Variants in CREB5 observed in about 807,000 individuals in gnomAD.
The protein encoded by CREB5 is cyclic AMP-responsive element-binding protein 5.
A neutral mutation model predicts 57.1 loss-of-function variants in CREB5; 19 were observed. The ratio of observed to expected loss-of-function variants is 0.33; its 90% CI spans 0.23 to 0.49. The LOEUF (loss-of-function observed/expected upper bound fraction) is 0.49, where lower values mean the gene tolerates loss of function less well. Ranked by LOEUF, CREB5 falls within the 20% of genes least tolerant of loss-of-function variation. CREB5 has a pLI of 0.99. For synonymous variants in CREB5, 238 were observed against 238.3 expected (o/e 1.00, Z 0.01); for missense variants, 579 against 671.6 (o/e 0.86, Z 1.52).
At chr7:28,433,323 A>T (rs958625160) in intron 1 of CREB5, among the ~76,000 whole-genome samples, 1 of 152,224 alleles carries the variant, frequency 6.6e-6, no homozygotes, top group Non-Finnish European at 1.5e-5. Flanking sequence ...TTGTAGTCAA[A>T]AAGAAATAGT....
intron 4 of CREB5, among the ~76,000 whole-genome samples, chr7:28,553,632 C>T (rs924873257): frequency 3.3e-5 from 5 of 152,158 alleles, no homozygotes; most frequent in East Asian, 1.9e-4. Flanking sequence ...AGCTTTTTAT[C>T]GGAGCGTTAT....
intron 1 of CREB5, among the ~76,000 whole-genome samples, chr7:28,447,141 G>T (rs539170163): frequency 3.9e-5 from 6 of 152,296 alleles, no homozygotes; most frequent in African/African-American, 1.4e-4. Context: ...CATAGCACAG[G>T]GCTTGCAGGG....
chr7:28,422,731 G>A (rs1390323729), intron 1 of CREB5, among the ~76,000 whole-genome samples: 1 of 152,294 alleles, frequency 6.6e-6, no homozygotes, highest in African/African-American at 2.4e-5. Flanking sequence ...AGCTGTGAAA[G>A]TAACCAGAGC....
At chr7:28,594,662 A>G (rs1309334314) in intron 5 of CREB5, among the ~76,000 whole-genome samples, 3 of 152,328 alleles carry the variant, frequency 2.0e-5, no homozygotes, top group African/African-American at 7.2e-5. Flanking sequence ...TTGAAGAGTA[A>G]ATGGGGAATG....
chr7:28,329,679 C>T (rs891657428), intron 1 of CREB5, among the ~76,000 whole-genome samples: 1 of 152,196 alleles, frequency 6.6e-6, no homozygotes, highest in African/African-American at 2.4e-5. Flanking sequence ...CTTTTGCATC[C>T]AGTTTTAGCC....
intron 5 of CREB5, among the ~76,000 whole-genome samples, chr7:28,643,765 AG>A (rs1798780955): frequency 1.6e-5 from 1 of 63,806 alleles, no homozygotes; most frequent in African/African-American, 6.9e-5. Context: ...GGGGGGCGGA[AG>A]AAAAAAAAAA....
At chr7:28,697,228 C>T (rs1801622879) in intron 5 of CREB5, among the ~76,000 whole-genome samples, 1 of 152,012 alleles carries the variant, frequency 6.6e-6, no homozygotes, top group Non-Finnish European at 1.5e-5. Context: ...CATGAATTGG[C>T]CCCCTAATGA....
intron 1 of CREB5, among the ~76,000 whole-genome samples, chr7:28,311,364 T>G (rs1467351005): frequency 6.6e-6 from 1 of 152,128 alleles, no homozygotes; most frequent in South Asian, 2.1e-4. Flanking sequence ...TGTGCTGAAC[T>G]TTAGCTGTTT....
At chr7:28,474,367 C>A (rs1315605076) in intron 1 of CREB5, among the ~76,000 whole-genome samples, 2 of 152,114 alleles carry the variant, frequency 1.3e-5, no homozygotes, top group African/African-American at 4.8e-5. Context: ...TTGCTCTCCC[C>A]ATGTGTGGGA....
intron 4 of CREB5, among the ~76,000 whole-genome samples, chr7:28,517,483 T>C (rs1480296479): frequency 6.6e-6 from 1 of 152,210 alleles, no homozygotes; most frequent in Non-Finnish European, 1.5e-5. Flanking sequence ...ATCAGAACCA[T>C]GCAGGGCCAT....
upstream of CREB5, among the ~76,000 whole-genome samples, chr7:28,408,435 C>T (rs1388806513): frequency 6.6e-6 from 1 of 152,178 alleles, no homozygotes; most frequent in Non-Finnish European, 1.5e-5. Flanking sequence ...GTGATGGTGA[C>T]GGCCGGATAC....
At chr7:28,331,489 GGGAA>G (rs1262604651) in intron 1 of CREB5, among the ~76,000 whole-genome samples, 1 of 152,060 alleles carries the variant, frequency 6.6e-6, no homozygotes, top group African/African-American at 2.4e-5. Flanking sequence ...ATGGTCTAAT[GGGAA>G]CTACTACAGA....
chr7:28,574,246 G>A (rs1017770747), intron 5 of CREB5, among the ~76,000 whole-genome samples: 3 of 152,138 alleles, frequency 2.0e-5, no homozygotes, highest in Admixed American at 6.5e-5. Flanking sequence ...AGATAAAATC[G>A]ATCCAGCCTT....
intron 4 of CREB5, among the ~76,000 whole-genome samples, chr7:28,556,827 A>T (rs956147964): frequency 3.9e-5 from 6 of 152,158 alleles, no homozygotes; most frequent in Admixed American, 6.5e-5. Flanking sequence ...GGTTCCAGGA[A>T]GGAAGCAGGG....
chr7:28,302,078 G>GTCA (rs1356979803), intron 1 of CREB5, among the ~76,000 whole-genome samples: 8 of 151,814 alleles, frequency 5.3e-5, no homozygotes, highest in Middle Eastern at 3.4e-3. Context: ...TGGCCTATGT[G>GTCA]TCATCAGAAA....
intron 5 of CREB5, among the ~76,000 whole-genome samples, chr7:28,655,283 C>T (rs1438668741): frequency 6.6e-6 from 1 of 152,096 alleles, no homozygotes; most frequent in Non-Finnish European, 1.5e-5. Context: ...AACGTTTTTG[C>T]CTGTCTGAAA....
intron 8 of CREB5, among the ~76,000 whole-genome samples, chr7:28,804,786 T>C (rs1207122908): frequency 6.6e-6 from 1 of 152,240 alleles, no homozygotes; most frequent in Non-Finnish European, 1.5e-5. Flanking sequence ...AATCTATTTT[T>C]GCAGTGTGTC....
chr7:28,757,232 A>G (rs928413027), intron 7 of CREB5, among the ~76,000 whole-genome samples: 4 of 152,242 alleles, frequency 2.6e-5, no homozygotes, highest in Admixed American at 6.5e-5. Context: ...AAGCACAGAA[A>G]GAGTAAATGG....
chr7:28,605,977 TCAA>T (rs1335186825), intron 5 of CREB5, among the ~76,000 whole-genome samples: 2 of 152,218 alleles, frequency 1.3e-5, no homozygotes, highest in Admixed American at 6.5e-5. Flanking sequence ...TTGCTAAAAC[TCAA>T]CGACTGAACA....
Sources: gnomAD v4.1 joint callset for allele counts (sites outside exome capture counted in the v4.1 genomes callset) on GRCh38, gnomAD v4.1.1 for gene constraint, MANE v1.5 for transcripts, NCBI Gene and HGNC (gene_info 2026-07-23, HGNC 2026-07-21) for gene names.